ANKRD62: variants seen among roughly 807,000 people sequenced by gnomAD.
The protein encoded by ANKRD62 is ankyrin repeat domain-containing protein 62.
Under a neutral mutation model 98.8 loss-of-function variants are expected in ANKRD62, and 61 were observed. The observed-to-expected ratio is 0.62, with a 90% CI of 0.50 to 0.76. The LOEUF is 0.76. ANKRD62 is among the 30% of genes least tolerant of loss of function. The probability of loss-of-function intolerance (pLI) is 0.00; values close to 1 mark genes in which losing one functional copy is unlikely to be tolerated. For missense variants in ANKRD62, 933 were observed against 1,082.9 expected, an observed-to-expected ratio of 0.86 and a Z score of 1.94; for synonymous variants, 341 against 367.9, an observed-to-expected ratio of 0.93 and a Z score of 0.84.
the ANKRD62 span, among the ~76,000 whole-genome samples, chr18:12,157,685 T>C: frequency 8.5e-5 from 13 of 152,344 alleles, no homozygotes; most frequent in East Asian, 2.5e-3. Context: ...TTTCTTGCTG[T>C]TGGATTTCCT....
intron 7 of ANKRD62, among the ~76,000 whole-genome samples, chr18:12,107,028 G>A (rs909901964): frequency 6.6e-6 from 1 of 151,922 alleles, no homozygotes; most frequent in Non-Finnish European, 1.5e-5. Context: ...AGACAGCAAT[G>A]GGAATAAAAG....
chr18:12,110,132 TTCATTAG>T (rs111355888), intron 8 of ANKRD62, among the ~76,000 whole-genome samples: 1 of 152,334 alleles, frequency 6.6e-6, no homozygotes, highest in African/African-American at 2.4e-5. Context: ...CACCATATTT[TTCATTAG>T]TGACTTCATA....
At chr18:12,118,156 C>T (rs185202235) in intron 10 of ANKRD62, among the ~76,000 whole-genome samples, 5 of 152,252 alleles carry the variant, frequency 3.3e-5, no homozygotes, top group Admixed American at 2.6e-4. Flanking sequence ...GACATGTATG[C>T]GTGTCATATA....
chr18:12,138,260 G>C, the ANKRD62 span, among the ~76,000 whole-genome samples: 2 of 151,628 alleles, frequency 1.3e-5, no homozygotes, highest in African/African-American at 4.9e-5. Context: ...TGTTCTCCTT[G>C]GTTTCAAAGA....
At chr18:12,134,535 C>G (rs2143942384), downstream of ANKRD62, among the ~76,000 whole-genome samples, 1 of 152,260 alleles carries the variant, frequency 6.6e-6, no homozygotes, top group Admixed American at 6.5e-5. Context: ...TACTCCCACC[C>G]CATAACAGGC....
chr18:12,133,082 T>A (rs537182244), downstream of ANKRD62, among the ~76,000 whole-genome samples: 10 of 152,160 alleles, frequency 6.6e-5, no homozygotes, highest in Non-Finnish European at 1.3e-4. Context: ...CCTATAATCC[T>A]TCTCTTCATC....
chr18:12,177,337 G>A, the ANKRD62 span, among the ~76,000 whole-genome samples: 2 of 152,296 alleles, frequency 1.3e-5, no homozygotes, highest in East Asian at 3.8e-4. Context: ...CCAGGGAGAA[G>A]GAAATGGGGA....
intron 1 of ANKRD62, 62 bp from the exon 2 acceptor site, chr18:12,095,109 C>A (rs1396595071): frequency 9.8e-6 from 11 of 1,121,426 alleles, no homozygotes; most frequent in African/African-American, 1.5e-5. Flanking sequence ...CAATTGCATG[C>A]GTCGTTGTAT....
At chr18:12,159,393 G>A in the ANKRD62 span, among the ~76,000 whole-genome samples, 1 of 152,104 alleles carries the variant, frequency 6.6e-6, no homozygotes, top group Non-Finnish European at 1.5e-5. Context: ...ACAAAATTTA[G>A]TACTTAACAA....
chr18:12,122,721 T>C (rs1252662536), intron 11 of ANKRD62, among the ~76,000 whole-genome samples: 6 of 152,208 alleles, frequency 3.9e-5, no homozygotes, highest in Non-Finnish European at 7.3e-5. Context: ...CTTTAAATCA[T>C]TATTTTAATG....
intron 8 of ANKRD62, 51 bp downstream of exon 8, chr18:12,107,518 A>C: frequency 7.8e-7 from 1 of 1,276,982 alleles, no homozygotes; most frequent in South Asian, 2.5e-5. Context: ...TGTACTATAA[A>C]ATGAATTCTA....
At chr18:12,134,629 G>T, downstream of ANKRD62, among the ~76,000 whole-genome samples, 1 of 151,932 alleles carries the variant, frequency 6.6e-6, no homozygotes, top group East Asian at 1.9e-4. Context: ...GCGGTGTTTG[G>T]TTTTTTGTCC....
the ANKRD62 span, among the ~76,000 whole-genome samples, chr18:12,146,719 A>G: frequency 2.6e-5 from 4 of 152,270 alleles, no homozygotes; most frequent in Admixed American, 1.3e-4. Context: ...TGGTGGGATT[A>G]CAGGGGTGAG....
At chr18:12,171,641 A>T in the ANKRD62 span, among the ~76,000 whole-genome samples, 1 of 152,084 alleles carries the variant, frequency 6.6e-6, no homozygotes, top group Non-Finnish European at 1.5e-5. Context: ...CTCGAGGAGT[A>T]TCTTTGTGAT....
chr18:12,138,515 A>G, the ANKRD62 span, among the ~76,000 whole-genome samples: 1 of 152,116 alleles, frequency 6.6e-6, no homozygotes, highest in East Asian at 1.9e-4. Flanking sequence ...GAAAGAATGT[A>G]TATTCTGTTG....
intron 11 of ANKRD62, among the ~76,000 whole-genome samples, chr18:12,123,044 G>A (rs1370747884): frequency 2.6e-5 from 4 of 151,178 alleles, no homozygotes; most frequent in Non-Finnish European, 5.9e-5. Context: ...TTTTTTGTTT[G>A]TTTGTTTGTT....
the ANKRD62 span, among the ~76,000 whole-genome samples, chr18:12,156,012 A>G: frequency 6.6e-6 from 1 of 152,090 alleles, no homozygotes; most frequent in South Asian, 2.1e-4. Flanking sequence ...TTCAGGCCAG[A>G]GCTGATTGTT....
At chr18:12,116,388 G>T (rs1444868505) in intron 10 of ANKRD62, among the ~76,000 whole-genome samples, 1 of 152,220 alleles carries the variant, frequency 6.6e-6, no homozygotes, top group African/African-American at 2.4e-5. Context: ...TAATATGCAT[G>T]ATCCTAATGA....
At chr18:12,145,899 T>C in the ANKRD62 span, among the ~76,000 whole-genome samples, 1 of 152,188 alleles carries the variant, frequency 6.6e-6, no homozygotes. Context: ...CTTAAGCGTG[T>C]CCTGGATCCC....
Sources: gnomAD v4.1 joint callset for allele counts (sites outside exome capture counted in the v4.1 genomes callset) on GRCh38, gnomAD v4.1.1 for gene constraint, MANE v1.5 for transcripts, NCBI Gene and HGNC (gene_info 2026-07-23, HGNC 2026-07-21) for gene names.